Variants in DNAH12 observed in about 807,000 individuals in gnomAD.
The protein encoded by DNAH12 is axonemal beta dynein heavy chain 12.
A neutral mutation model predicts 371.5 loss-of-function variants in DNAH12; 285 were observed. The observed-to-expected ratio is 0.77, with a 90% confidence interval of 0.70 to 0.85. DNAH12 has a LOEUF of 0.85. DNAH12 is among the 40% of genes least tolerant of loss of function. The probability of loss-of-function intolerance (pLI) is 0.00; values close to 1 mark genes in which losing one functional copy is unlikely to be tolerated. For synonymous variants in DNAH12, 1,200 were observed against 1,213.0 expected (o/e 0.99, Z 0.22); for missense variants, 3,611 against 3,689.4 (o/e 0.98, Z 0.55).
chr3:57,424,553 G>A (rs953861491), intron 35 of DNAH12, among the ~76,000 whole-genome samples: 2 of 149,734 alleles, frequency 1.3e-5, no homozygotes, highest in African/African-American at 2.5e-5. Context: ...CGATGCGGGT[G>A]GATCACGAGG....
intron 37 of DNAH12, 107 bp from the exon 38 acceptor site, chr3:57,415,671 C>A (rs1236138775): frequency 2.7e-6 from 3 of 1,112,972 alleles, no homozygotes; most frequent in Non-Finnish European, 3.6e-6. Context: ...AAATCATCTT[C>A]ATTAAAAACT....
intron 13 of DNAH12, among the ~76,000 whole-genome samples, chr3:57,480,637 T>C (rs1359314293): frequency 6.6e-6 from 1 of 151,948 alleles, no homozygotes; most frequent in Non-Finnish European, 1.5e-5. Flanking sequence ...TTTAGACCAA[T>C]ATCCCTGATG....
chr3:57,522,841 T>TC (rs2068500341), intron 4 of DNAH12, among the ~76,000 whole-genome samples: 2 of 146,932 alleles, frequency 1.4e-5, no homozygotes, highest in South Asian at 4.3e-4. Context: ...GTCAGTGTCT[T>TC]TTTTTTTTTT....
At chr3:57,390,876 T>C (rs1485335863) in intron 45 of DNAH12, among the ~76,000 whole-genome samples, 1 of 152,172 alleles carries the variant, frequency 6.6e-6, no homozygotes. Context: ...AATATGTTGA[T>C]GCTACTGTGA....
At chr3:57,310,123 G>A (rs936647540) in intron 67 of DNAH12, among the ~76,000 whole-genome samples, 37 of 152,244 alleles carry the variant, frequency 2.4e-4, no homozygotes, top group African/African-American at 7.5e-4. Context: ...AGACAGAACT[G>A]GCACTGAGAT....
chr3:57,515,569 C>T (rs1256144297), intron 4 of DNAH12, among the ~76,000 whole-genome samples: 1 of 152,070 alleles, frequency 6.6e-6, no homozygotes, highest in African/African-American at 2.4e-5. Flanking sequence ...ATGATCACAA[C>T]ACTGCTCTCC....
chr3:57,364,086 A>G (rs1298880505), intron 57 of DNAH12, among the ~76,000 whole-genome samples: 29 of 152,254 alleles, frequency 1.9e-4, no homozygotes, highest in African/African-American at 7.0e-4. Context: ...CAAAGTATGA[A>G]CTTCTTATCT....
chr3:57,401,753 AAGAG>A (rs200806768), intron 43 of DNAH12, among the ~76,000 whole-genome samples: 3,625 of 152,098 alleles, frequency 0.024, 66 homozygotes, highest in Admixed American at 0.035. Context: ...TACAAAAAAA[AAGAG>A]AGAGAGAAGA....
intron 4 of DNAH12, among the ~76,000 whole-genome samples, chr3:57,516,880 T>G (rs2068219855): frequency 6.6e-6 from 1 of 152,150 alleles, no homozygotes; most frequent in African/African-American, 2.4e-5. Flanking sequence ...CCACTCTGAG[T>G]AAAATCCAAG....
At chr3:57,408,232 G>A (rs2064096967) in intron 40 of DNAH12, 48 bp downstream of exon 40, 1 of 1,446,328 alleles carries the variant, frequency 6.9e-7, no homozygotes, top group African/African-American at 1.5e-5. Flanking sequence ...AGCGCCAAAT[G>A]AGGGAAATAT....
chr3:57,442,740 A>C (rs2065347840), intron 29 of DNAH12, among the ~76,000 whole-genome samples: 1 of 152,224 alleles, frequency 6.6e-6, no homozygotes. Flanking sequence ...GTGTTTAAAA[A>C]TCATATTAGC....
chr3:57,509,148 T>G lies in DNAH12; in HGVS notation c.534A>C (p.Glu178Asp), dbSNP rs767196828. The stretch of plus-strand genomic sequence containing the variant: ...TAAAATAATTTACTCACACAGGAGA[T>G]TCAGGTAAAGGACCTCCTTCATCTT... Reference protein sequence around the residue: ...SLEDEGGPLPESPVGLDYSNP... With the variant: ...SLEDEGGPLPDSPVGLDYSNP... The change falls in exon 6 of 74, where the codon GAA becomes GAC. Residue 178 changes from glutamate (E) to aspartate (D), a missense_variant. Around this residue, in one of 3 missense-constraint regions of DNAH12, gnomAD observed 1,314 missense variants for 1,398.7 expected, o/e 0.94. Transcript: ENST00000495027. The G allele has an allele frequency of 1.9e-5, 31 of 1,612,372 alleles. No homozygotes were observed. Among genetic ancestry groups the G allele is most frequent in the Non-Finnish European group, 2.6e-5 (31 of 1,179,488 alleles).
chr3:57,499,014 A>AACAAACACAAAC (rs57477935), intron 11 of DNAH12, among the ~76,000 whole-genome samples: 1 of 151,522 alleles, frequency 6.6e-6, no homozygotes, highest in Non-Finnish European at 1.5e-5. Flanking sequence ...CAAAAACAAA[A>AACAAACACAAAC]ACACACACAC....
At chr3:57,337,438 T>C (rs917801921) in intron 60 of DNAH12, among the ~76,000 whole-genome samples, 5 of 152,194 alleles carry the variant, frequency 3.3e-5, no homozygotes, top group African/African-American at 1.2e-4. Flanking sequence ...GGAGGGCAGA[T>C]CACCTGAGGT....
Position 57,315,361 on chromosome 3 carries a change from A to C in DNAH12, c.10525-730T>G, listed in dbSNP as rs1021186549. Among the ~76,000 whole-genome samples the C allele has an allele frequency of 6.5e-4, 99 of 151,388 alleles. 1 individual carries two copies. Among genetic ancestry groups the C allele is most frequent in the African/African-American group, 2.4e-3 (99 of 41,228 alleles). On this transcript the variant is annotated intron_variant, in intron 65 of 73. Coordinates refer to ENST00000495027, the MANE Select transcript of DNAH12 (RefSeq NM_001366028.2). ...TTAAAATGCAAGTACACTATGCTTT[A>C]CTGAGTAGATACGTTTTTGAAATGT...
intron 12 of DNAH12, among the ~76,000 whole-genome samples, chr3:57,485,407 CTT>C (rs57235396): frequency 0.43 from 63,901 of 149,294 alleles, 15,097 homozygotes; most frequent in South Asian, 0.58. Flanking sequence ...GGCCATTATT[CTT>C]TTTTTTTTTT....
chr3:57,383,776 GAGAAA>G (rs1254155946), intron 49 of DNAH12, among the ~76,000 whole-genome samples: 125 of 148,532 alleles, frequency 8.4e-4, no homozygotes, highest in Admixed American at 1.4e-3. Context: ...AAAAAAAAAG[GAGAAA>G]AGAAAAGAAA....
At chr3:57,411,267 C>T (rs1553682911) in intron 39 of DNAH12, among the ~76,000 whole-genome samples, 1 of 152,056 alleles carries the variant, frequency 6.6e-6, no homozygotes, top group Admixed American at 6.6e-5. Context: ...GTGGCTCATG[C>T]CTGTAATCCC....
At chr3:57,354,548 A>G (rs2062753799) in intron 59 of DNAH12, among the ~76,000 whole-genome samples, 1 of 85,178 alleles carries the variant, frequency 1.2e-5, no homozygotes, top group Admixed American at 1.1e-4. Context: ...TAAAAAAAAA[A>G]AGAAAAAAAA....
Sources: allele counts gnomAD v4.1 joint callset (sites outside exome capture counted in the v4.1 genomes callset), GRCh38; gene constraint gnomAD v4.1.1; regional missense constraint gnomAD v4.1.1; transcripts MANE v1.5; gene names NCBI Gene and HGNC (gene_info 2026-07-23, HGNC 2026-07-21).